Variants in SUPT7L observed in about 807,000 individuals in gnomAD.
SUPT7L encodes the protein SPT7 like, STAGA complex subunit gamma.
SUPT7L carries 15 observed loss-of-function variants against 35.7 expected under a neutral mutation model. The ratio of observed to expected loss-of-function variants is 0.42; its 90% CI spans 0.28 to 0.65. The LOEUF is 0.65. Among genes scored for constraint, SUPT7L ranks in the 30% least tolerant of loss-of-function variants. SUPT7L has a pLI of 0.23. For missense variants in SUPT7L, 434 were observed against 522.2 expected, an observed-to-expected ratio of 0.83 and a Z score of 1.65; for synonymous variants, 168 against 186.2, an observed-to-expected ratio of 0.90 and a Z score of 0.79.
At chr2:27,647,861 TTC>T (rs760940637), downstream of SUPT7L, 3 of 1,612,650 alleles carry the variant, frequency 1.9e-6, no homozygotes, top group Non-Finnish European at 2.5e-6. Flanking sequence ...TGCTGCACCC[TTC>T]TGATTTGATC....
chr2:27,643,825 T>C, the SUPT7L span, among the ~76,000 whole-genome samples: 1 of 152,242 alleles, frequency 6.6e-6, no homozygotes, highest in Non-Finnish European at 1.5e-5. This position sits in a 1 kb window ranked among gnomAD's most constrained non-coding sequence, Gnocchi z 4.0. Context: ...GTCCCATTAC[T>C]GGTGATGTTA....
downstream of SUPT7L, among the ~76,000 whole-genome samples, chr2:27,648,966 C>G (rs935294353): frequency 6.6e-6 from 1 of 151,114 alleles, no homozygotes; most frequent in South Asian, 2.1e-4. Flanking sequence ...AACCATAGGC[C>G]GGGCACGGTG....
intron 2 of SUPT7L, 36 bp from the exon 3 acceptor site, chr2:27,661,424 G>A (rs1238470695): frequency 1.2e-6 from 2 of 1,610,818 alleles, no homozygotes; most frequent in Middle Eastern, 1.7e-4. Context: ...AGAGGTCTCA[G>A]GATAAATGTA....
Position 27,657,537 on chromosome 2 carries a change from A to C in SUPT7L, c.552T>G (p.Asp184Glu). ...ACTTAAGGCAATACTCATGTGCCAC[A>C]TCAGTTAGGGTCTCCAGGACACTCT... ...ANESVLETLTDVAHEYCLKFT... is the reference protein window; with the variant it reads ...ANESVLETLTEVAHEYCLKFT... The change falls in exon 4 of 6, where the codon GAT (aspartate) becomes GAG (glutamate). Residue 184 changes from aspartate to glutamate, a missense_variant. Physicochemically the swap from Asp to Glu is conservative, Grantham distance 45. Transcript: ENST00000337768. The surrounding 1 kb of genome is among the most constrained non-coding windows in gnomAD (Gnocchi z 5.2). 1 of 1,614,232 alleles carries C rather than the reference A, an allele frequency of 6.2e-7. No homozygotes were observed. The highest frequency in any genetic ancestry group is 8.5e-7 in the Non-Finnish European group (1 of 1,180,048).
intron 3 of SUPT7L, among the ~76,000 whole-genome samples, chr2:27,658,649 C>T (rs912340023): frequency 6.6e-6 from 1 of 152,180 alleles, no homozygotes; most frequent in Non-Finnish European, 1.5e-5. Flanking sequence ...ACAAAAGTGC[C>T]TGAGTGGTTA....
intron 5 of SUPT7L, among the ~76,000 whole-genome samples, chr2:27,654,845 C>G (rs541502864): frequency 6.6e-6 from 1 of 152,202 alleles, no homozygotes; most frequent in East Asian, 1.9e-4. Context: ...AGATTACAGG[C>G]GTGAGCCACT....
At chr2:27,645,922 G>C (rs1674204666), downstream of SUPT7L, among the ~76,000 whole-genome samples, 1 of 151,974 alleles carries the variant, frequency 6.6e-6, no homozygotes, top group Admixed American at 6.6e-5. Flanking sequence ...TGGAGATGAG[G>C]TTTTGCCGTG....
rs554069151 is a variant in SUPT7L at position 27,650,883 on chromosome 2, G to A, written c.*2602C>T. The A allele has an allele frequency of 5.2e-5, 8 of 152,878 alleles. No homozygotes were observed. Among genetic ancestry groups the A allele is most frequent in the African/African-American group, 1.7e-4 (7 of 41,564 alleles). 9.5% of individuals were successfully genotyped at this position (152,878 alleles called of 1,614,324 possible). On this transcript the variant is annotated 3_prime_UTR_variant, in exon 6 of 6. Transcript: ENST00000337768. The stretch of plus-strand genomic sequence containing the variant: ...GACTGCTTGTCATGATTTCAAATTA[G>A]AAAATTATATAATTGCAAACAGCTT...
chr2:27,661,985 C>A, intron 2 of SUPT7L, 194 bp downstream of exon 2: 1 of 702,862 alleles, frequency 1.4e-6, no homozygotes, highest in South Asian at 1.9e-5. Context: ...ACATATAGAA[C>A]GTGAGAGATT....
rs113039227 is a variant in SUPT7L at position 27,656,637 on chromosome 2, C to CT, written c.744+707dup. Among the ~76,000 whole-genome samples, 570 of 143,002 alleles carry CT rather than the reference C, an allele frequency of 4.0e-3. 1 individual carries two copies. Among genetic ancestry groups the CT allele is most frequent in the East Asian group, 0.015 (74 of 4,926 alleles). The allele number at this position is 143,002 out of a possible 152,430, so 93.8% of individuals were successfully genotyped here. On this transcript the variant is annotated intron_variant, in intron 4 of 5. Coordinates refer to ENST00000337768, the MANE Select transcript of SUPT7L (RefSeq NM_014860.3). Reference sequence around the variant, plus strand: ...AGGATTGTCAGTAGGTCTGTGTTCTCTTTTTTTTTTTTTCAGACAGGGTCT... The same window carrying CT: ...AGGATTGTCAGTAGGTCTGTGTTCTCTTTTTTTTTTTTTTCAGACAGGGTCT...
downstream of SUPT7L, chr2:27,647,805 GGC>G: frequency 8.0e-7 from 1 of 1,248,230 alleles, no homozygotes; most frequent in East Asian, 2.3e-5. Flanking sequence ...TTTTTGAGGA[GGC>G]ATATCACTGA....
chr2:27,648,139 G>A (rs1173538015), downstream of SUPT7L, among the ~76,000 whole-genome samples: 1 of 152,204 alleles, frequency 6.6e-6, no homozygotes, highest in Non-Finnish European at 1.5e-5. Context: ...CAGGCCTTTC[G>A]TTGGTCTTGT....
the SUPT7L span, among the ~76,000 whole-genome samples, chr2:27,644,346 T>G: frequency 6.6e-6 from 1 of 152,220 alleles, no homozygotes; most frequent in Non-Finnish European, 1.5e-5. Flanking sequence ...AATTTTTCTG[T>G]GATTATATGT....
intron 4 of SUPT7L, among the ~76,000 whole-genome samples, chr2:27,656,123 C>T (rs1674796897): frequency 6.6e-6 from 1 of 151,824 alleles, no homozygotes; most frequent in South Asian, 2.1e-4. Context: ...TGTGATTGTG[C>T]CACTGCACTC....
chr2:27,647,108 T>G (rs1211478638), downstream of SUPT7L, among the ~76,000 whole-genome samples: 1 of 152,192 alleles, frequency 6.6e-6, no homozygotes, highest in African/African-American at 2.4e-5. Context: ...GTCATCCTCC[T>G]TTTTCAGGCC....
At position 27,651,331 on chromosome 2, in the gene SUPT7L, T is replaced by G. The variant is rs1437465017; in HGVS notation, c.*2154A>C. The stretch of plus-strand genomic sequence containing the variant: ...CTGGGGGTGGGCTGAGCAGTCTGTT[T>G]TAGAAAGCCCTCCATGTGATTCTGA... On this transcript the variant is annotated 3_prime_UTR_variant, in exon 6 of 6. Coordinates refer to ENST00000337768, the MANE Select transcript of SUPT7L (RefSeq NM_014860.3). 1.3e-5 allele frequency: 2 copies of G among 152,264 alleles called. No individual in the cohort carries two copies. The highest frequency in any genetic ancestry group is 1.3e-4 in the Admixed American group (2 of 15,272). The allele number at this position is 152,264 out of a possible 1,614,324, so 9.4% of individuals were successfully genotyped here.
At chr2:27,645,146 T>A in the SUPT7L span, among the ~76,000 whole-genome samples, 1 of 152,048 alleles carries the variant, frequency 6.6e-6, no homozygotes, top group East Asian at 1.9e-4. Flanking sequence ...TTTAAGGAAA[T>A]TTTTAATAGA....
chr2:27,650,088 A>G (rs750282194), downstream of SUPT7L: 8 of 1,323,044 alleles, frequency 6.0e-6, no homozygotes, highest in Admixed American at 1.7e-5. Flanking sequence ...AAAGAGTTGA[A>G]AAAGAATTGC....
chr2:27,645,272 A>AT, the SUPT7L span, among the ~76,000 whole-genome samples: 2,030 of 148,426 alleles, frequency 0.014, 15 homozygotes, highest in Middle Eastern at 0.09. Context: ...TCCCCAGCCC[A>AT]TTTTTTTTTT....
Sources: gnomAD v4.1 joint callset for allele counts (sites outside exome capture counted in the v4.1 genomes callset) on GRCh38, gnomAD v4.1.1 for gene constraint, Gnocchi (gnomAD v3.1) non-coding constraint, MANE v1.5 for transcripts, NCBI Gene and HGNC (gene_info 2026-07-23, HGNC 2026-07-21) for gene names.